TWNK: variants seen among roughly 807,000 people sequenced by gnomAD.
The protein encoded by TWNK is T7 gp4-like protein with intramitochondrial nucleoid localization.
Under a neutral mutation model 58.2 loss-of-function variants are expected in TWNK, and 36 were observed. That is an observed-to-expected ratio of 0.62 (90% CI 0.47 to 0.82). The LOEUF (loss-of-function observed/expected upper bound fraction) is 0.82, where lower values mean the gene tolerates loss of function less well. TWNK is among the 40% of genes least tolerant of loss of function. The pLI, the probability that TWNK is intolerant of heterozygous loss-of-function variation, is 0.00. For missense variants in TWNK, 714 were observed against 881.0 expected, an observed-to-expected ratio of 0.81 and a Z score of 2.40; for synonymous variants, 349 against 348.5, an observed-to-expected ratio of 1.00 and a Z score of -0.02.
rs1399469595 is a variant in TWNK, at chr10:100,993,649, A to G, written c.*139A>G. Reference sequence around the variant, plus strand: ...GGGGCCTAACCTAGAGCAGGTTTCCATAGTGAGAAAATTCAATGTAGCAGA... The same window carrying G: ...GGGGCCTAACCTAGAGCAGGTTTCCGTAGTGAGAAAATTCAATGTAGCAGA... On this transcript the variant is annotated 3_prime_UTR_variant, in exon 5 of 5. Transcript: ENST00000311916. The G allele has an allele frequency of 6.3e-6, 6 of 947,728 alleles. No individual in the cohort carries two copies. The highest frequency in any genetic ancestry group is 9.7e-6 in the Non-Finnish European group (6 of 621,340). 58.7% of individuals were successfully genotyped at this position (947,728 alleles called of 1,614,324 possible).
chr10:100,993,576 G>T lies in TWNK; in HGVS notation c.*66G>T. On this transcript the variant is annotated 3_prime_UTR_variant, in exon 5 of 5. Coordinates refer to ENST00000311916, the MANE Select transcript of TWNK (RefSeq NM_021830.5). ...TAGGCTGGAGCATAAAACTCTGCAA[G>T]GGCTCCTCTATCCTGTGGTCCTGAG... The T allele has an allele frequency of 6.5e-7, 1 of 1,548,146 alleles. No individual in the cohort carries two copies. The highest frequency in any genetic ancestry group is 2.3e-5 in the East Asian group (1 of 43,380).
chr10:100,993,551 T>C lies in TWNK; in HGVS notation c.*41T>C, dbSNP rs965354528. The stretch of plus-strand genomic sequence containing the variant: ...GGTCACTGAAATGAGCCTGATAGGA[T>C]AGGCTGGAGCATAAAACTCTGCAAG... On this transcript the variant is annotated 3_prime_UTR_variant, in exon 5 of 5. Transcript: ENST00000311916. 6.2e-7 allele frequency: 1 copy of C among 1,603,514 alleles called. No homozygotes were observed. The highest frequency in any genetic ancestry group is 1.1e-5 in the South Asian group (1 of 90,658).
In TWNK at chr10:100,988,610, G is replaced by A. The variant is rs772961299; in HGVS notation, c.400G>A (p.Asp134Asn). 8.1e-6 allele frequency: 13 copies of A among 1,613,906 alleles called. No individual in the cohort carries two copies. Among genetic ancestry groups the A allele is most frequent in the Non-Finnish European group, 1.1e-5 (13 of 1,180,024 alleles). Reference sequence around the variant, plus strand: ...CCAGGCCAGCGTGGAGGGGCGAGGGGATGGGGCCAGGGAGGGGTTTCTGCT... The same window carrying A: ...CCAGGCCAGCGTGGAGGGGCGAGGGAATGGGGCCAGGGAGGGGTTTCTGCT... Reference protein sequence around the residue: ...DFQASVEGRGDGAREGFLLSK... With the variant: ...DFQASVEGRGNGAREGFLLSK... Residue 134 changes from aspartate to asparagine, a missense_variant, in exon 1 of 5, where the codon GAT becomes AAT. Transcript: ENST00000311916. This position sits in a 1 kb window ranked among gnomAD's most constrained non-coding sequence, Gnocchi z 5.2.
rs1851600057 is a variant in TWNK at position 100,987,577 on chromosome 10, G to C, written c.-634G>C. ...GTCAAGGCGAGTAGCATGTGCGGGAGACTCACGTTGCCGGCGAAGTGGGAG... is the reference window on the plus strand; with the variant it reads ...GTCAAGGCGAGTAGCATGTGCGGGACACTCACGTTGCCGGCGAAGTGGGAG... On this transcript the variant is annotated 5_prime_UTR_variant, in exon 1 of 5. Coordinates refer to ENST00000311916, the MANE Select transcript of TWNK (RefSeq NM_021830.5). 1 of 1,332,808 alleles carries C rather than the reference G, an allele frequency of 7.5e-7. No individual in the cohort carries two copies. The highest frequency in any genetic ancestry group is 1.0e-6 in the Non-Finnish European group (1 of 1,000,728). 82.6% of individuals were successfully genotyped at this position (1,332,808 alleles called of 1,614,324 possible). A position where few individuals can be genotyped will look rare whatever the true frequency, so the allele number is the denominator to read the frequency against.
In TWNK at chr10:100,990,521, C is replaced by A; in HGVS notation, c.1570C>A (p.His524Asn). 6.2e-7 allele frequency: 1 copy of A among 1,614,146 alleles called. No individual in the cohort carries two copies. Among genetic ancestry groups the A allele is most frequent in the South Asian group, 1.1e-5 (1 of 91,052 alleles). Reference sequence around the variant, plus strand: ...CGACAACCTGCAGTTCATGATGGGTCACGAGCAGCTGTCCACAGACAGGTG... The same window carrying A: ...CGACAACCTGCAGTTCATGATGGGTAACGAGCAGCTGTCCACAGACAGGTG... ...IIDNLQFMMG[H>N]EQLSTDRIAA... The change falls in exon 3 of 5, where the codon CAC (histidine) becomes AAC (asparagine). Residue 524 changes from histidine to asparagine, a missense_variant. Physicochemically the swap from His to Asn is moderately conservative, Grantham distance 68. Transcript: ENST00000311916.
Position 100,988,908 on chromosome 10 carries a change from AC to A in TWNK, c.699del (p.Tyr233Ter), listed in dbSNP as rs747220236. 1.2e-6 allele frequency: 2 copies of A among 1,614,188 alleles called. No individual in the cohort carries two copies. Among genetic ancestry groups the A allele is most frequent in the Non-Finnish European group, 1.7e-6 (2 of 1,180,026 alleles). ...AAATGCCAGGGGGATGGAGTGAGCT[AC>A]GAGGAAACCACTATTCCCCGACCCA... ...EAKCQGDGVS[Y>X]EETTIPRPSA... On this transcript the variant is annotated frameshift_variant, in exon 1 of 5. Transcript: ENST00000311916. LOFTEE classifies it high-confidence loss of function. This position sits in a 1 kb window ranked among gnomAD's most constrained non-coding sequence, Gnocchi z 5.2.
In TWNK at chr10:100,987,970, C is replaced by T. The variant is rs113159821; in HGVS notation, c.-241C>T. 2.2e-3 allele frequency: 1,419 copies of T among 634,762 alleles called. 15 individuals carry two copies. The African/African-American group carries it at 0.023, about 10-fold the overall frequency. The allele number at this position is 634,762 out of a possible 1,614,324, so 39.3% of individuals were successfully genotyped here. A position where few individuals can be genotyped will look rare whatever the true frequency, so the allele number is the denominator to read the frequency against. ...TGGCGGAGAGAAACTAACTAACGGACCATAGAGGTGGGGGAGCCATTGTAG... is the reference window on the plus strand; with the variant it reads ...TGGCGGAGAGAAACTAACTAACGGATCATAGAGGTGGGGGAGCCATTGTAG... On this transcript the variant is annotated 5_prime_UTR_variant, in exon 1 of 5. Transcript: ENST00000311916.
In TWNK at chr10:100,988,167, C is replaced by T; in HGVS notation, c.-44C>T. On this transcript the variant is annotated 5_prime_UTR_variant, in exon 1 of 5. Transcript: ENST00000311916. The surrounding 1 kb of genome is among the most constrained non-coding windows in gnomAD (Gnocchi z 5.2). ...GTCTAGTGAAGGCACGCTAACCAGG[C>T]ACCTAAGGCATTTCAAGTAGTGACT... 5 of 1,609,902 alleles carry T rather than the reference C, an allele frequency of 3.1e-6. No homozygotes were observed. The highest frequency in any genetic ancestry group is 2.5e-6 in the Non-Finnish European group (3 of 1,177,390).
chr10:100,988,695 T>C lies in TWNK; in HGVS notation c.485T>C (p.Ile162Thr). 6.2e-7 allele frequency: 1 copy of C among 1,614,120 alleles called. No individual in the cohort carries two copies. Among genetic ancestry groups the C allele is most frequent in the Non-Finnish European group, 8.5e-7 (1 of 1,180,012 alleles). Residue 162 changes from isoleucine to threonine, a missense_variant, in exon 1 of 5, where the codon ATA becomes ACA. Ile to Thr is a moderately conservative substitution (Grantham distance 89, BLOSUM62 -1). Around this residue, in one of 3 missense-constraint regions of TWNK, gnomAD observed 348 missense variants for 388.4 expected, o/e 0.90. Coordinates refer to ENST00000311916, the MANE Select transcript of TWNK (RefSeq NM_021830.5). The surrounding 1 kb of genome is among the most constrained non-coding windows in gnomAD (Gnocchi z 5.2). ...EEVRRIWNRA[I>T]PLWELPDQEE... is the part of the protein sequence containing the mutation. ...GTCCGGAGGATCTGGAACCGAGCAA[T>C]ACCTCTCTGGGAGCTGCCTGATCAG...
rs1554887836 is a variant in TWNK at position 100,993,666 on chromosome 10, T to C, written c.*156T>C. The C allele has an allele frequency of 1.3e-6, 1 of 782,952 alleles. No individual in the cohort carries two copies. The highest frequency in any genetic ancestry group is 1.6e-5 in the South Asian group (1 of 62,710). 48.5% of individuals were successfully genotyped at this position (782,952 alleles called of 1,614,324 possible). A position where few individuals can be genotyped will look rare whatever the true frequency, so the allele number is the denominator to read the frequency against. On this transcript the variant is annotated 3_prime_UTR_variant, in exon 5 of 5. Coordinates refer to ENST00000311916, the MANE Select transcript of TWNK (RefSeq NM_021830.5). ...AGGTTTCCATAGTGAGAAAATTCAATGTAGCAGACTACTGAGAAACTACTG... is the reference window on the plus strand; with the variant it reads ...AGGTTTCCATAGTGAGAAAATTCAACGTAGCAGACTACTGAGAAACTACTG...
At chr10:100,991,855 CAAAA>C (rs35576258) in intron 4 of TWNK, among the ~76,000 whole-genome samples, 1 of 131,242 alleles carries the variant, frequency 7.6e-6, no homozygotes, top group Admixed American at 7.6e-5. Flanking sequence ...ACTAAAAATA[CAAAA>C]AAAAAAAAAA....
chr10:100,990,346 G>A (rs1851734158), intron 2 of TWNK, 90 bp from the exon 3 acceptor site: 1 of 912,028 alleles, frequency 1.1e-6, no homozygotes, highest in Non-Finnish European at 1.8e-6. Flanking sequence ...GGGCAGAGGA[G>A]GCAGCCAAGA....
At position 100,990,176 on chromosome 10, in the gene TWNK, GATGGCA is replaced by G. The variant is rs148155886; in HGVS notation, c.1485-259_1485-254del. Among the ~76,000 whole-genome samples, 56,595 of 151,672 alleles carry G rather than the reference GATGGCA, an allele frequency of 0.37. 12,662 individuals carry two copies. The highest frequency in any genetic ancestry group is 0.53 in the Middle Eastern group (153 of 288). On this transcript the variant is annotated intron_variant, in intron 2 of 4. Transcript: ENST00000311916. ...TTTTAAAAATTAGGCTGGGCATGGTGATGGCATATGCCTGTGGTCCCAGCTACTCAA... is the reference window on the plus strand; with the variant it reads ...TTTTAAAAATTAGGCTGGGCATGGTGTATGCCTGTGGTCCCAGCTACTCAA...
In TWNK at chr10:100,990,965, T is replaced by G. The variant is rs771330223; in HGVS notation, c.1689T>G (p.Asp563Glu). Residue 563 changes from aspartate to glutamate, a missense_variant, in exon 4 of 5, where the codon GAT becomes GAG. By Grantham distance (45) the Asp-to-Glu change is conservative. Coordinates refer to ENST00000311916, the MANE Select transcript of TWNK (RefSeq NM_021830.5). ...VTLVIHPRKE[D>E]DDKELQTASI... The stretch of plus-strand genomic sequence containing the variant: ...TGGTCATTCACCCCCGGAAAGAGGA[T>G]GATGACAAGGAACTGCAGACAGCGT... 3 of 1,614,224 alleles carry G rather than the reference T, an allele frequency of 1.9e-6. No homozygotes were observed. Among genetic ancestry groups the G allele is most frequent in the Non-Finnish European group, 2.5e-6 (3 of 1,180,054 alleles).
At chr10:100,992,457 C>T (rs993776174) in intron 4 of TWNK, among the ~76,000 whole-genome samples, 5 of 148,438 alleles carry the variant, frequency 3.4e-5, no homozygotes, top group Non-Finnish European at 5.9e-5. Flanking sequence ...CCTCATGATC[C>T]GTCCGCCTCG....
chr10:100,991,130 C>T (rs2133942749), intron 4 of TWNK, 120 bp downstream of exon 4: 2 of 1,428,164 alleles, frequency 1.4e-6, no homozygotes, highest in East Asian at 4.6e-5. Context: ...GGAGGCAATG[C>T]CTCTGGGGCC....
intron 3 of TWNK, 162 bp downstream of exon 3, chr10:100,990,705 A>G: frequency 6.3e-7 from 1 of 1,586,990 alleles, no homozygotes; most frequent in Admixed American, 1.7e-5. Flanking sequence ...GGTGTGGGGT[A>G]TGGCAGCAGG....
rs970360602 is a variant in TWNK at position 100,988,847 on chromosome 10, G to C, written c.637G>C (p.Gly213Arg). 4 of 1,614,180 alleles carry C rather than the reference G, an allele frequency of 2.5e-6. No homozygotes were observed. In the Admixed American group the frequency reaches 6.7e-5, roughly 27 times the overall value. Reference protein sequence around the residue: ...SLVFPWFSPGGSGLRGLKLLE... With the variant: ...SLVFPWFSPGRSGLRGLKLLE... The stretch of plus-strand genomic sequence containing the variant: ...TGTCTTCCCTTGGTTCTCCCCTGGG[G>C]GCTCAGGATTACGAGGCCTGAAGCT... The change falls in exon 1 of 5, where the codon GGC (glycine) becomes CGC (arginine). Residue 213 changes from glycine to arginine, a missense_variant. Around this residue, in one of 3 missense-constraint regions of TWNK, gnomAD observed 348 missense variants for 388.4 expected, o/e 0.90. Coordinates refer to ENST00000311916, the MANE Select transcript of TWNK (RefSeq NM_021830.5). This position sits in a 1 kb window ranked among gnomAD's most constrained non-coding sequence, Gnocchi z 5.2.
rs1053858582 is a variant in TWNK at position 100,987,954 on chromosome 10, GAAAC to G, written c.-256_-253del. The G allele has an allele frequency of 1.3e-5, 8 of 622,916 alleles. No homozygotes were observed. Among genetic ancestry groups the G allele is most frequent in the African/African-American group, 7.3e-5 (4 of 54,492 alleles). 38.6% of individuals were successfully genotyped at this position (622,916 alleles called of 1,614,324 possible). ...GGTCATAGAGGTGAGGTGGCGGAGAGAAACTAACTAACGGACCATAGAGGTGGGG... is the reference window on the plus strand; with the variant it reads ...GGTCATAGAGGTGAGGTGGCGGAGAGTAACTAACGGACCATAGAGGTGGGG... On this transcript the variant is annotated 5_prime_UTR_variant, in exon 1 of 5. Transcript: ENST00000311916.
Sources: gnomAD v4.1 joint callset for allele counts (sites outside exome capture counted in the v4.1 genomes callset) on GRCh38, gnomAD v4.1.1 for gene constraint, gnomAD v4.1.1 regional missense constraint, Gnocchi (gnomAD v3.1) non-coding constraint, MANE v1.5 for transcripts, NCBI Gene and HGNC (gene_info 2026-07-23, HGNC 2026-07-21) for gene names.